Variants in DYNC1I2 observed in about 807,000 individuals in gnomAD.
DYNC1I2 encodes the protein dynein cytoplasmic 1 intermediate chain 2.
In DYNC1I2, 53 loss-of-function variants were observed where a neutral mutation model predicts 88.6. The observed-to-expected ratio is 0.60, with a 90% CI of 0.48 to 0.75. The LOEUF is 0.75. DYNC1I2 is among the 30% of genes least tolerant of loss of function. DYNC1I2 has a pLI of 0.00. For missense variants in DYNC1I2, 458 were observed against 766.6 expected (o/e 0.60, Z 4.75); for synonymous variants, 198 against 254.6 (o/e 0.78, Z 2.12).
At chr2:171,737,271 A>C (rs79322244) in intron 15 of DYNC1I2, among the ~76,000 whole-genome samples, 2,679 of 152,308 alleles carry the variant, frequency 0.018, 91 homozygotes, top group African/African-American at 0.062. Flanking sequence ...TGCTAGATTT[A>C]GGACCTACCC....
chr2:171,706,662 C>T, intron 4 of DYNC1I2, 98 bp downstream of exon 4: 1 of 1,094,594 alleles, frequency 9.1e-7, no homozygotes, highest in Non-Finnish European at 1.4e-6. Context: ...TGCCTGTTTG[C>T]ATTTTTCACC....
chr2:171,726,212 T>C lies in DYNC1I2; in HGVS notation c.789T>C (p.Ala263=), dbSNP rs1688243926. ...TTTGTAGAGAGATTCAAGCAGGTGC[T>C]AAACTGTCATTAAATCGACAATTTT... ...EDKEGEIQAG[A]KLSLNRQFFD... is the part of the protein sequence containing the mutation. Residue 263 remains alanine (A), a synonymous_variant, in exon 10 of 18, where the codon GCT becomes GCC. Transcript: ENST00000397119. 1 of 1,611,868 alleles carries C rather than the reference T, an allele frequency of 6.2e-7. No individual in the cohort carries two copies. Among genetic ancestry groups the C allele is most frequent in the East Asian group, 2.2e-5 (1 of 44,796 alleles).
At chr2:171,703,412 G>T (rs1389479629) in intron 3 of DYNC1I2, among the ~76,000 whole-genome samples, 1 of 139,178 alleles carries the variant, frequency 7.2e-6, no homozygotes, top group Non-Finnish European at 1.6e-5. Context: ...ATTTTTTGTA[G>T]AGACAGAGTC....
At chr2:171,713,227 G>A (rs929553254) in intron 6 of DYNC1I2, among the ~76,000 whole-genome samples, 2 of 151,906 alleles carry the variant, frequency 1.3e-5, no homozygotes, top group African/African-American at 4.8e-5. Context: ...GGAGATGCTG[G>A]TCCTTACACT....
At chr2:171,736,718 A>C (rs564009483) in intron 15 of DYNC1I2, among the ~76,000 whole-genome samples, 1 of 152,306 alleles carries the variant, frequency 6.6e-6, no homozygotes, top group African/African-American at 2.4e-5. Context: ...TAATAGACAC[A>C]TTTGGTCTCA....
chr2:171,729,186 C>G (rs746657637), intron 14 of DYNC1I2, among the ~76,000 whole-genome samples: 7 of 152,080 alleles, frequency 4.6e-5, no homozygotes, highest in African/African-American at 7.2e-5. Flanking sequence ...GCTGTTTCCC[C>G]TTTTGATTTA....
rs1559391084 is a variant in DYNC1I2 at position 171,725,599 on chromosome 2, T to G, written c.512-19T>G. 4.5e-6 allele frequency: 3 copies of G among 664,098 alleles called. No homozygotes were observed. Among genetic ancestry groups the G allele is most frequent in the South Asian group, 3.3e-5 (1 of 29,954 alleles). The allele number at this position is 664,098 out of a possible 1,614,324, so 41.1% of individuals were successfully genotyped here. A position where few individuals can be genotyped will look rare whatever the true frequency, so the allele number is the denominator to read the frequency against. On this transcript the variant is annotated intron_variant, in intron 7 of 17. Transcript: ENST00000397119. ...TTCTGTTTTTTTGTTTTTTTGTTTG[T>G]TTTTTTTTTTTTTTTCAGATGAAGA...
intron 3 of DYNC1I2, among the ~76,000 whole-genome samples, chr2:171,694,063 A>T (rs1574501993): frequency 3.5e-5 from 5 of 143,770 alleles, no homozygotes; most frequent in African/African-American, 7.7e-5. Context: ...TTTGAGGCTG[A>T]GTCTCACTCA....
rs370037589 is a variant in DYNC1I2, at chr2:171,741,954, C to T, written c.1537-2095C>T. Among the ~76,000 whole-genome samples the T allele has an allele frequency of 9.2e-5, 14 of 151,754 alleles. No homozygotes were observed. The East Asian group carries it at 2.0e-3, about 21-fold the overall frequency. ...AAAATTAGCTGAGCATGGTGGTGCA[C>T]GCCTGTAATCCCAGCTACTTGGGAG... On this transcript the variant is annotated intron_variant, in intron 15 of 17. Transcript: ENST00000397119.
intron 15 of DYNC1I2, among the ~76,000 whole-genome samples, chr2:171,740,598 A>G (rs1488934625): frequency 6.6e-6 from 1 of 152,046 alleles, no homozygotes; most frequent in Admixed American, 6.5e-5. Context: ...TATCCTTTCA[A>G]TATGTAGTTT....
At chr2:171,747,207 T>TATATATATATATATATATATATA (rs1491354708) in intron 17 of DYNC1I2, among the ~76,000 whole-genome samples, 2 of 124,700 alleles carry the variant, frequency 1.6e-5, no homozygotes, top group African/African-American at 5.9e-5. Flanking sequence ...AAAAAAAAAA[T>TATATATATATATATATATATATA]TATATATATA....
At chr2:171,696,514 C>T (rs551240655) in intron 3 of DYNC1I2, among the ~76,000 whole-genome samples, 2 of 152,166 alleles carry the variant, frequency 1.3e-5, no homozygotes, top group African/African-American at 2.4e-5. Flanking sequence ...GAAATTGTTT[C>T]CTACATTGTG....
chr2:171,710,515 T>G (rs1434752146), intron 5 of DYNC1I2, among the ~76,000 whole-genome samples: 2 of 152,152 alleles, frequency 1.3e-5, no homozygotes, highest in Admixed American at 1.3e-4. Context: ...TAAACATGTT[T>G]GAATCACTCT....
At position 171,689,846 on chromosome 2, in the gene DYNC1I2, A is replaced by G. The variant is rs540304203; in HGVS notation, c.-9-301A>G. ...TCCAAGTAGTTGGGACTACAGGCAC[A>G]TGCCACCATGCCGCCTAATTTTTTA... is the stretch of plus-strand genomic sequence containing the variant. On this transcript the variant is annotated intron_variant, in intron 1 of 17. Transcript: ENST00000397119. Among the ~76,000 whole-genome samples the G allele has an allele frequency of 2.7e-5, 4 of 147,518 alleles. No individual in the cohort carries two copies. The East Asian group carries it at 7.9e-4, about 29-fold the overall frequency.
chr2:171,697,808 C>T (rs916512795), intron 3 of DYNC1I2, among the ~76,000 whole-genome samples: 15 of 152,006 alleles, frequency 9.9e-5, no homozygotes, highest in Non-Finnish European at 1.6e-4. Flanking sequence ...TGGCCATGAT[C>T]GCACTACTGA....
intron 2 of DYNC1I2, among the ~76,000 whole-genome samples, chr2:171,690,682 CTCACTGTG>C (rs901936202): frequency 3.1e-5 from 4 of 130,978 alleles, no homozygotes; most frequent in African/African-American, 1.2e-4. Context: ...GAGACTGGGT[CTCACTGTG>C]TCACTCGGAC....
At chr2:171,746,103 C>T (rs1220949249) in intron 17 of DYNC1I2, among the ~76,000 whole-genome samples, 176 bp downstream of exon 17, 1 of 152,056 alleles carries the variant, frequency 6.6e-6, no homozygotes, top group Non-Finnish European at 1.5e-5. Flanking sequence ...CTTTCTAAAC[C>T]GAATGTTCTG....
At chr2:171,699,678 GGC>G (rs993947944) in intron 3 of DYNC1I2, among the ~76,000 whole-genome samples, 3 of 151,438 alleles carry the variant, frequency 2.0e-5, no homozygotes, top group Non-Finnish European at 4.4e-5. Flanking sequence ...CTCAGTCTGT[GGC>G]CGAGACTGGA....
At chr2:171,726,480 A>C (rs1002688591) in intron 10 of DYNC1I2, 187 bp downstream of exon 10, 3 of 563,332 alleles carry the variant, frequency 5.3e-6, no homozygotes, top group Non-Finnish European at 8.9e-6. Context: ...AGCATTATTT[A>C]TATTTAAAAT....
Sources: gnomAD v4.1 joint callset for allele counts (sites outside exome capture counted in the v4.1 genomes callset) on GRCh38, gnomAD v4.1.1 for gene constraint, MANE v1.5 for transcripts, NCBI Gene and HGNC (gene_info 2026-07-23, HGNC 2026-07-21) for gene names.